MLLT3: variants seen among roughly 807,000 people sequenced by gnomAD.
MLLT3 encodes protein AF-9.
MLLT3 carries 4 observed loss-of-function variants against 53.2 expected under a neutral mutation model. The ratio of observed to expected loss-of-function variants is 0.08; its 90% CI spans 0.04 to 0.17. The LOEUF (loss-of-function observed/expected upper bound fraction) is 0.17, where lower values mean the gene tolerates loss of function less well. Ranked by LOEUF, MLLT3 falls within the 10% of genes least tolerant of loss-of-function variation. MLLT3 has a pLI of 1.00. For synonymous variants in MLLT3, 283 were observed against 230.6 expected (o/e 1.23, Z -2.06); for missense variants, 569 against 684.0 (o/e 0.83, Z 1.87).
At chr9:20,391,907 A>C (rs866544506) in intron 5 of MLLT3, among the ~76,000 whole-genome samples, 1 of 152,298 alleles carries the variant, frequency 6.6e-6, no homozygotes, top group African/African-American at 2.4e-5. Context: ...ATTTTATTTT[A>C]CTATTAATAT....
At chr9:20,371,914 T>C (rs771042990) in intron 5 of MLLT3, among the ~76,000 whole-genome samples, 1 of 152,224 alleles carries the variant, frequency 6.6e-6, no homozygotes, top group Non-Finnish European at 1.5e-5. Flanking sequence ...CTAGATGCCA[T>C]TATGAACATT....
intron 2 of MLLT3, among the ~76,000 whole-genome samples, chr9:20,583,685 C>T (rs536640422): frequency 2.0e-5 from 3 of 152,322 alleles, no homozygotes; most frequent in African/African-American, 7.2e-5. Flanking sequence ...AAGCCAGACA[C>T]CAAGATGTAC....
In MLLT3 at chr9:20,386,781, C is replaced by T. The variant is rs556467573; in HGVS notation, c.1126-21037G>A. 1.8e-4 allele frequency among the ~76,000 whole-genome samples: 27 copies of T among 152,080 alleles called. No homozygotes were observed. The South Asian group carries it at 5.0e-3, about 28-fold the overall frequency. On this transcript the variant is annotated intron_variant, in intron 5 of 10. Transcript: ENST00000380338. ...GGCCAGTCTGCTCCTATGGTAAAAA[C>T]CAGGCTATTTTCTGGATATATATAT...
chr9:20,545,096 CAAAAAAAAA>C (rs60850984), intron 2 of MLLT3, among the ~76,000 whole-genome samples: 6 of 48,080 alleles, frequency 1.2e-4, no homozygotes, highest in East Asian at 6.6e-4. Context: ...CCTATCTCTA[CAAAAAAAAA>C]AAAAAAAAAA....
At chr9:20,600,260 G>C (rs1025944590) in intron 2 of MLLT3, among the ~76,000 whole-genome samples, 1 of 152,082 alleles carries the variant, frequency 6.6e-6, no homozygotes, top group Non-Finnish European at 1.5e-5. Flanking sequence ...TTGTTGTGCT[G>C]TTATTGTGTT....
intron 2 of MLLT3, among the ~76,000 whole-genome samples, chr9:20,546,512 C>G (rs1818791872): frequency 6.6e-6 from 1 of 150,750 alleles, no homozygotes; most frequent in Non-Finnish European, 1.5e-5. Flanking sequence ...CCACTGCACT[C>G]TGGTATGGGC....
chr9:20,465,939 C>T (rs1311274775), intron 2 of MLLT3, among the ~76,000 whole-genome samples: 5 of 152,128 alleles, frequency 3.3e-5, no homozygotes, highest in African/African-American at 1.2e-4. Flanking sequence ...CAATCTTCTT[C>T]AAGAAACCAG....
chr9:20,589,447 G>A (rs1428361014), intron 2 of MLLT3, among the ~76,000 whole-genome samples: 1 of 103,508 alleles, frequency 9.7e-6, no homozygotes, highest in Non-Finnish European at 1.9e-5. Context: ...GGTGGGGGGA[G>A]GGGGGAGGGA....
chr9:20,552,421 T>A (rs568580899), intron 2 of MLLT3, among the ~76,000 whole-genome samples: 1 of 152,310 alleles, frequency 6.6e-6, no homozygotes, highest in Non-Finnish European at 1.5e-5. Context: ...TAATTAAGGC[T>A]GACATCACTC....
chr9:20,604,146 C>T (rs1334543821), intron 2 of MLLT3, among the ~76,000 whole-genome samples: 2 of 151,966 alleles, frequency 1.3e-5, no homozygotes, highest in Non-Finnish European at 2.9e-5. Context: ...CCCTTTAAAT[C>T]TATAGCAATA....
Position 20,498,266 on chromosome 9 carries a change from A to AAAAAAAAG in MLLT3, c.194-41481_194-41480insCTTTTTTT, listed in dbSNP as rs760352616. 1.6e-4 allele frequency among the ~76,000 whole-genome samples: 16 copies of AAAAAAAAG among 98,348 alleles called. 4 individuals are homozygous for AAAAAAAAG. Among genetic ancestry groups the AAAAAAAAG allele is most frequent in the East Asian group, 1.0e-3 (3 of 2,864 alleles). 64.5% of individuals were successfully genotyped at this position (98,348 alleles called of 152,430 possible). On this transcript the variant is annotated intron_variant, in intron 2 of 10. Transcript: ENST00000380338. ...AAAAAAAAAAAAAAAAAAAAAAAAA[A>AAAAAAAAG]GTTCTTCTAGCTGTTCTACCTTTAC...
At chr9:20,504,881 T>A (rs1040184206) in intron 2 of MLLT3, among the ~76,000 whole-genome samples, 2 of 152,112 alleles carry the variant, frequency 1.3e-5, no homozygotes, top group Non-Finnish European at 2.9e-5. Context: ...AAAAAATTAT[T>A]TTTTTAAGTA....
chr9:20,546,381 A>G lies in MLLT3; in HGVS notation c.193+74273T>C, dbSNP rs555148760. On this transcript the variant is annotated intron_variant, in intron 2 of 10. Coordinates refer to ENST00000380338, the MANE Select transcript of MLLT3 (RefSeq NM_004529.4). Reference sequence around the variant, plus strand: ...CAGTGAGGCACTGTTTCAGCAAAAAAATTTTAAACTTAGCTGGCACATGTC... The same window carrying G: ...CAGTGAGGCACTGTTTCAGCAAAAAGATTTTAAACTTAGCTGGCACATGTC... Among the ~76,000 whole-genome samples, 19 of 152,264 alleles carry G rather than the reference A, an allele frequency of 1.2e-4. No homozygotes were observed. In the South Asian group the frequency reaches 3.1e-3, roughly 25 times the overall value.
At chr9:20,407,017 A>G (rs1422736217) in intron 5 of MLLT3, among the ~76,000 whole-genome samples, 1 of 152,244 alleles carries the variant, frequency 6.6e-6, no homozygotes, top group African/African-American at 2.4e-5. Context: ...ACTTGGTTAA[A>G]TAATTACATA....
rs1008588983 is a variant in MLLT3, at chr9:20,354,959, A to C, written c.1432-80T>G. 2.8e-5 allele frequency: 26 copies of C among 914,890 alleles called. No homozygotes were observed. The Admixed American group carries it at 4.6e-4, about 16-fold the overall frequency. 56.7% of individuals were successfully genotyped at this position (914,890 alleles called of 1,614,324 possible). On this transcript the variant is annotated intron_variant, in intron 8 of 10. Transcript: ENST00000380338. ...ACCAGCCACCTAAACAAAGGCATCC[A>C]CTGAATGAAATGTACAGTAACATTT...
chr9:20,377,250 G>C (rs969268976), intron 5 of MLLT3, among the ~76,000 whole-genome samples: 4 of 152,134 alleles, frequency 2.6e-5, no homozygotes, highest in Non-Finnish European at 4.4e-5. Flanking sequence ...ATTATTGTCA[G>C]AACTATTCAG....
Position 20,388,453 on chromosome 9 carries a change from T to A in MLLT3, c.1126-22709A>T, listed in dbSNP as rs149531858. Among the ~76,000 whole-genome samples, 971 of 151,768 alleles carry A rather than the reference T, an allele frequency of 6.4e-3. 6 individuals are homozygous for A. Among genetic ancestry groups the A allele is most frequent in the Middle Eastern group, 0.014 (4 of 292 alleles). On this transcript the variant is annotated intron_variant, in intron 5 of 10. Transcript: ENST00000380338. ...AATACCAAAAATTAGACAGGCGTGG[T>A]GGTGGGCGCCTATAGTCCCAGCTAC... is the stretch of plus-strand genomic sequence containing the variant.
rs566243869 is a variant in MLLT3, at chr9:20,361,468, C to T, written c.1332-627G>A. Among the ~76,000 whole-genome samples, 6 of 152,270 alleles carry T rather than the reference C, an allele frequency of 3.9e-5. No homozygotes were observed. In the South Asian group the frequency reaches 6.2e-4, roughly 16 times the overall value. Reference sequence around the variant, plus strand: ...ACATCTAAGGATTGAACATGTGGAGCCCGGCATGCTAGGACCATTACCAAT... The same window carrying T: ...ACATCTAAGGATTGAACATGTGGAGTCCGGCATGCTAGGACCATTACCAAT... On this transcript the variant is annotated intron_variant, in intron 7 of 10. Coordinates refer to ENST00000380338, the MANE Select transcript of MLLT3 (RefSeq NM_004529.4).
chr9:20,521,411 C>G (rs1362862703), intron 2 of MLLT3, among the ~76,000 whole-genome samples: 1 of 151,786 alleles, frequency 6.6e-6, no homozygotes, highest in African/African-American at 2.4e-5. Context: ...AGAATTTGTT[C>G]CTCAAAAAAA....
Sources: allele counts gnomAD v4.1 joint callset (sites outside exome capture counted in the v4.1 genomes callset), GRCh38; gene constraint gnomAD v4.1.1; transcripts MANE v1.5; gene names NCBI Gene and HGNC (gene_info 2026-07-23, HGNC 2026-07-21).